WNT3A: variants seen among roughly 807,000 people sequenced by gnomAD.
The protein encoded by WNT3A is protein Wnt-3a.
In WNT3A, 17 loss-of-function variants were observed where a neutral mutation model predicts 37.0. That is an observed-to-expected ratio of 0.46 (90% confidence interval 0.31 to 0.69). WNT3A has a LOEUF of 0.69. Ranked by LOEUF, WNT3A falls within the 30% of genes least tolerant of loss-of-function variation. The pLI, the probability that WNT3A is intolerant of heterozygous loss-of-function variation, is 0.05. For synonymous variants in WNT3A, 187 were observed against 211.0 expected (o/e 0.89, Z 0.99); for missense variants, 411 against 510.2 (o/e 0.81, Z 1.87).
At chr1:228,047,629 CT>C (rs1185740345) in intron 2 of WNT3A, among the ~76,000 whole-genome samples, 1 of 152,170 alleles carries the variant, frequency 6.6e-6, no homozygotes, top group Non-Finnish European at 1.5e-5. Context: ...TAAAGAAACA[CT>C]TGAGGCTGGT....
chr1:228,045,791 TAG>T (rs2031389983), intron 2 of WNT3A, among the ~76,000 whole-genome samples: 1 of 152,062 alleles, frequency 6.6e-6, no homozygotes, highest in East Asian at 1.9e-4. Context: ...CTGGGTGCCT[TAG>T]AGGGGCAAGG....
chr1:228,060,184 A>G lies in WNT3A; in HGVS notation c.*719A>G, dbSNP rs780451129. 4 of 1,351,504 alleles carry G rather than the reference A, an allele frequency of 3.0e-6. No individual in the cohort carries two copies. The highest frequency in any genetic ancestry group is 3.9e-6 in the Non-Finnish European group (4 of 1,021,398). 83.7% of individuals were successfully genotyped at this position (1,351,504 alleles called of 1,614,324 possible). On this transcript the variant is annotated 3_prime_UTR_variant, in exon 4 of 4. Coordinates refer to ENST00000284523, the MANE Select transcript of WNT3A (RefSeq NM_033131.4). ...TTCCCTGGGAACCGCCCTCCTGATT[A>G]AGGCGTGGCTTCTGCAGGAATCCCG... is the stretch of plus-strand genomic sequence containing the variant.
chr1:228,046,988 G>A (rs112634354), intron 2 of WNT3A, among the ~76,000 whole-genome samples: 12 of 152,260 alleles, frequency 7.9e-5, no homozygotes, highest in East Asian at 1.9e-4. Flanking sequence ...TCTTCATGGC[G>A]AGGTGGGAGA....
intron 1 of WNT3A, among the ~76,000 whole-genome samples, chr1:228,018,267 A>G (rs2030588945): frequency 6.6e-6 from 1 of 152,150 alleles, no homozygotes; most frequent in Non-Finnish European, 1.5e-5. Flanking sequence ...CCTGGCCCAC[A>G]GGGTGTGGGA....
At chr1:228,010,104 T>C (rs1179084647) in intron 1 of WNT3A, among the ~76,000 whole-genome samples, 1 of 152,182 alleles carries the variant, frequency 6.6e-6, no homozygotes, top group Non-Finnish European at 1.5e-5. Flanking sequence ...AGCACGCCCC[T>C]TCTAAGCTGA....
chr1:228,051,484 AAAT>A (rs2031554658), intron 3 of WNT3A, among the ~76,000 whole-genome samples: 1 of 152,154 alleles, frequency 6.6e-6, no homozygotes, highest in Non-Finnish European at 1.5e-5. Flanking sequence ...TGCTACAACA[AAAT>A]ACCTTAGACT....
chr1:228,047,039 G>C (rs368359432), intron 2 of WNT3A, among the ~76,000 whole-genome samples: 15 of 152,170 alleles, frequency 9.9e-5, no homozygotes, highest in African/African-American at 3.6e-4. Context: ...AATTGGCTGA[G>C]AGGCCCCAGG....
chr1:228,060,130 G>C lies in WNT3A; in HGVS notation c.*665G>C. The C allele has an allele frequency of 7.5e-7, 1 of 1,334,764 alleles. No homozygotes were observed. Among genetic ancestry groups the C allele is most frequent in the Non-Finnish European group, 9.9e-7 (1 of 1,012,164 alleles). 82.7% of individuals were successfully genotyped at this position (1,334,764 alleles called of 1,614,324 possible). A position where few individuals can be genotyped will look rare whatever the true frequency, so the allele number is the denominator to read the frequency against. ...CTTCTCTGGGACCAGGCTCCAATGGGGCGGGGCTTCTCTCCGCGGGTGGGA... is the reference window on the plus strand; with the variant it reads ...CTTCTCTGGGACCAGGCTCCAATGGCGCGGGGCTTCTCTCCGCGGGTGGGA... On this transcript the variant is annotated 3_prime_UTR_variant, in exon 4 of 4. Transcript: ENST00000284523.
intron 1 of WNT3A, among the ~76,000 whole-genome samples, chr1:228,013,172 T>C (rs2030425148): frequency 6.6e-6 from 1 of 152,194 alleles, no homozygotes; most frequent in Non-Finnish European, 1.5e-5. Context: ...CTTGGCCTTG[T>C]GAGTAGCTGG....
At chr1:228,058,905 G>A in intron 3 of WNT3A, 81 bp from the exon 4 acceptor site, 1 of 1,375,164 alleles carries the variant, frequency 7.3e-7, no homozygotes. Flanking sequence ...CAGGTAGGCT[G>A]CAGGCGACAT....
chr1:228,025,487 C>T (rs532982024), intron 2 of WNT3A, among the ~76,000 whole-genome samples: 1 of 152,130 alleles, frequency 6.6e-6, no homozygotes, highest in Non-Finnish European at 1.5e-5. Context: ...TAGCAGGGAC[C>T]ACAGGCATGC....
At position 228,059,210 on chromosome 1, in the gene WNT3A, G is replaced by T. The variant is rs758639003; in HGVS notation, c.804G>T (p.Glu268Asp). The T allele has an allele frequency of 1.9e-6, 3 of 1,611,804 alleles. No individual in the cohort carries two copies. Among genetic ancestry groups the T allele is most frequent in the South Asian group, 2.2e-5 (2 of 91,060 alleles). ...PRYTYFKVPT[E>D]RDLVYYEASP... Reference sequence around the variant, plus strand: ...ACACCTACTTCAAGGTGCCCACGGAGCGCGACCTGGTCTACTACGAGGCCT... The same window carrying T: ...ACACCTACTTCAAGGTGCCCACGGATCGCGACCTGGTCTACTACGAGGCCT... The change falls in exon 4 of 4, where the codon GAG (glutamate) becomes GAT (aspartate). Residue 268 changes from glutamate (E) to aspartate (D), a missense_variant. Coordinates refer to ENST00000284523, the MANE Select transcript of WNT3A (RefSeq NM_033131.4).
chr1:228,046,108 C>T (rs562155824), intron 2 of WNT3A, among the ~76,000 whole-genome samples: 2 of 152,332 alleles, frequency 1.3e-5, no homozygotes, highest in African/African-American at 2.4e-5. Flanking sequence ...CCGGAAAGAG[C>T]CCGAGGGGAG....
intron 2 of WNT3A, among the ~76,000 whole-genome samples, chr1:228,041,507 C>T (rs1403823453): frequency 1.3e-5 from 2 of 151,894 alleles, no homozygotes; most frequent in South Asian, 2.1e-4. Context: ...CATCATCCAT[C>T]TATCCATCAA....
At chr1:228,034,962 G>A (rs1343770623) in intron 2 of WNT3A, among the ~76,000 whole-genome samples, 1 of 152,164 alleles carries the variant, frequency 6.6e-6, no homozygotes, top group Non-Finnish European at 1.5e-5. Flanking sequence ...GTGTGTGACA[G>A]CATCCCTATA....
intron 2 of WNT3A, among the ~76,000 whole-genome samples, chr1:228,034,791 CAG>C (rs764398491): frequency 3.3e-5 from 5 of 152,076 alleles, no homozygotes; most frequent in Non-Finnish European, 7.4e-5. Flanking sequence ...TTGTGGAAAA[CAG>C]GGAATTAAAG....
chr1:228,022,563 C>T (rs1004704547), intron 1 of WNT3A, 104 bp from the exon 2 acceptor site: 22 of 1,380,990 alleles, frequency 1.6e-5, no homozygotes, highest in Middle Eastern at 3.8e-4. Flanking sequence ...AGCTGCGTCT[C>T]GCCCCCCGAA....
chr1:228,034,735 G>GA (rs1160518740), intron 2 of WNT3A, among the ~76,000 whole-genome samples: 3 of 152,282 alleles, frequency 2.0e-5, no homozygotes, highest in Admixed American at 1.3e-4. Context: ...ATCAAAATGT[G>GA]AAAAAATCCT....
intron 2 of WNT3A, among the ~76,000 whole-genome samples, chr1:228,034,154 C>T (rs1271177904): frequency 1.3e-5 from 2 of 152,086 alleles, no homozygotes; most frequent in East Asian, 3.9e-4. Context: ...CCCAGCTACT[C>T]AGGAAGCTGA....
Sources: gnomAD v4.1 joint callset for allele counts (sites outside exome capture counted in the v4.1 genomes callset) on GRCh38, gnomAD v4.1.1 for gene constraint, MANE v1.5 for transcripts, NCBI Gene and HGNC (gene_info 2026-07-23, HGNC 2026-07-21) for gene names.